CR1: variants seen among roughly 807,000 people sequenced by gnomAD.
The protein encoded by CR1 is complement receptor type 1.
A neutral mutation model predicts 187.3 loss-of-function variants in CR1; 116 were observed. The observed-to-expected ratio is 0.62, with a 90% CI of 0.53 to 0.72. The LOEUF (loss-of-function observed/expected upper bound fraction) is 0.72, where lower values mean the gene tolerates loss of function less well. CR1 is among the 30% of genes least tolerant of loss of function. The probability of loss-of-function intolerance (pLI) is 0.00; values close to 1 mark genes in which losing one functional copy is unlikely to be tolerated. For missense variants in CR1, 1,731 were observed against 2,110.7 expected (o/e 0.82, Z 3.52); for synonymous variants, 576 against 747.1 (o/e 0.77, Z 3.73).
At chr1:207,634,340 C>T (rs2102418918) in intron 46 of CR1, among the ~76,000 whole-genome samples, 1 of 152,232 alleles carries the variant, frequency 6.6e-6, no homozygotes, top group Admixed American at 6.5e-5. Context: ...TCAACTTTCC[C>T]TTTTAAGATT....
At chr1:207,601,227 G>A (rs1661595568) in intron 35 of CR1, among the ~76,000 whole-genome samples, 1 of 151,976 alleles carries the variant, frequency 6.6e-6, no homozygotes, top group Non-Finnish European at 1.5e-5. Context: ...GAATGAGAAA[G>A]AAGACATAAG....
At position 207,609,323 on chromosome 1, in the gene CR1, A is replaced by G. The variant is rs776473566; in HGVS notation, c.5930A>G (p.Asn1977Ser). 3 of 1,613,920 alleles carry G rather than the reference A, an allele frequency of 1.9e-6. No individual in the cohort carries two copies. The highest frequency in any genetic ancestry group is 1.1e-5 in the South Asian group (1 of 91,066). The change falls in exon 37 of 47, where the codon AAT (asparagine) becomes AGT (serine). Residue 1977 changes from asparagine (N) to serine (S), a missense_variant. Transcript: ENST00000367049. Reference sequence around the variant, plus strand: ...TGTGAGCCACCTCCAACCATATCCAATGGAGACTTCTACAGCAACAATAGA... The same window carrying G: ...TGTGAGCCACCTCCAACCATATCCAGTGGAGACTTCTACAGCAACAATAGA... ...ISCEPPPTIS[N>S]GDFYSNNRTS... is the part of the protein sequence containing the mutation.
intron 45 of CR1, among the ~76,000 whole-genome samples, chr1:207,625,007 A>G (rs1304817536): frequency 6.6e-6 from 1 of 152,152 alleles, no homozygotes; most frequent in African/African-American, 2.4e-5. Flanking sequence ...GTCATTCTTC[A>G]TTACTTATGG....
chr1:207,525,390 G>A (rs1192689446), intron 5 of CR1, among the ~76,000 whole-genome samples: 1 of 151,962 alleles, frequency 6.6e-6, no homozygotes, highest in African/African-American at 2.4e-5. Context: ...TGGAGTGATG[G>A]TGAAATGGCC....
At chr1:207,633,427 CA>C (rs1662712348) in intron 46 of CR1, among the ~76,000 whole-genome samples, 1 of 152,146 alleles carries the variant, frequency 6.6e-6, no homozygotes, top group African/African-American at 2.4e-5. Context: ...ATTGATTGCA[CA>C]ATATTGAATC....
At chr1:207,606,841 A>T (rs1020930633) in intron 35 of CR1, among the ~76,000 whole-genome samples, 6 of 152,178 alleles carry the variant, frequency 3.9e-5, no homozygotes, top group African/African-American at 1.4e-4. Context: ...CTGAGCACCC[A>T]AAACTTGAAA....
intron 1 of CR1, among the ~76,000 whole-genome samples, chr1:207,504,555 T>C (rs1463373334): frequency 6.6e-6 from 1 of 152,064 alleles, no homozygotes; most frequent in Non-Finnish European, 1.5e-5. Context: ...ATCTAGAAGA[T>C]TTGAATAAAT....
intron 39 of CR1, 29 bp from the exon 40 acceptor site, chr1:207,614,375 A>G (rs1051832920): frequency 6.4e-7 from 1 of 1,572,926 alleles, no homozygotes; most frequent in African/African-American, 1.4e-5. Flanking sequence ...AATTGCTCAC[A>G]CATTTGCTAC....
rs1393043876 is a variant in CR1, at chr1:207,609,457, G to A, written c.6064G>A (p.Asp2022Asn). The change falls in exon 37 of 47, where the codon GAT (aspartate) becomes AAT (asparagine). Residue 2022 changes from aspartate to asparagine, a missense_variant. Asp to Asn is a conservative substitution (Grantham distance 23). Coordinates refer to ENST00000367049, the MANE Select transcript of CR1 (RefSeq NM_000651.6). ...GERSIYCTSK[D>N]DQVGVWSSPP... The stretch of plus-strand genomic sequence containing the variant: ...ACGGTCAATATATTGCACCAGCAAA[G>A]ATGATCAAGTTGGTGTTTGGAGCAG... 1 of 1,613,944 alleles carries A rather than the reference G, an allele frequency of 6.2e-7. No individual in the cohort carries two copies. Among genetic ancestry groups the A allele is most frequent in the African/African-American group, 1.3e-5 (1 of 74,952 alleles).
chr1:207,504,764 A>AT (rs919886564), intron 1 of CR1, among the ~76,000 whole-genome samples: 1 of 152,154 alleles, frequency 6.6e-6, no homozygotes, highest in African/African-American at 2.4e-5. Flanking sequence ...ATGGATGCTG[A>AT]TTTTTTAAAA....
At chr1:207,631,570 C>T (rs757758344) in intron 46 of CR1, among the ~76,000 whole-genome samples, 14 of 152,186 alleles carry the variant, frequency 9.2e-5, no homozygotes, top group South Asian at 4.1e-4. Context: ...CCATCCTCTT[C>T]CCAGGCCTCT....
chr1:207,496,400 GC>G lies in CR1; in HGVS notation c.121+13del. 1 of 1,602,044 alleles carries G rather than the reference GC, an allele frequency of 6.2e-7. No homozygotes were observed. Among genetic ancestry groups the G allele is most frequent in the Admixed American group, 1.7e-5 (1 of 58,200 alleles). ...GCCGGTGGCCTGGGGTGAGAGGCGG[GC>G]GGGCGTGGGGAGGCGCCCGGGCGGA... On this transcript the variant is annotated intron_variant, in intron 1 of 46. Transcript: ENST00000367049.
intron 46 of CR1, among the ~76,000 whole-genome samples, chr1:207,633,178 A>T (rs951671541): frequency 2.0e-5 from 3 of 152,206 alleles, no homozygotes; most frequent in African/African-American, 7.2e-5. Context: ...ATCAACCAAG[A>T]TGCTCTCCCA....
chr1:207,617,507 A>ATATATATGTGTGTGTGTG (rs1332301171), intron 41 of CR1, among the ~76,000 whole-genome samples: 1 of 47,010 alleles, frequency 2.1e-5, no homozygotes, highest in African/African-American at 6.3e-5. Flanking sequence ...ATATATATAT[A>ATATATATGTGTGTGTGTG]TGTGTGTGTG....
Position 207,584,763 on chromosome 1 carries a change from G to C in CR1, c.5417G>C (p.Arg1806Thr). ...TACACATGTGACCCCCACCCAGACA[G>C]AGGGATGACCTTCAACCTCATTGGG... is the stretch of plus-strand genomic sequence containing the variant. ...ISYTCDPHPD[R>T]GMTFNLIGES... is the part of the protein sequence containing the mutation. Residue 1806 changes from arginine to threonine, a missense_variant, in exon 33 of 47, where the codon AGA (arginine) becomes ACA (threonine). Transcript: ENST00000367049. 6.2e-7 allele frequency: 1 copy of C among 1,613,948 alleles called. No homozygotes were observed. The highest frequency in any genetic ancestry group is 1.1e-5 in the South Asian group (1 of 91,072).
intron 29 of CR1, among the ~76,000 whole-genome samples, chr1:207,578,949 G>A (rs1355902386): frequency 6.6e-6 from 1 of 152,206 alleles, no homozygotes; most frequent in Non-Finnish European, 1.5e-5. Flanking sequence ...GCTCACTGCA[G>A]CCTCAGATTC....
chr1:207,505,755 G>A, intron 1 of CR1, 149 bp from the exon 2 acceptor site: 1 of 804,464 alleles, frequency 1.2e-6, no homozygotes, highest in Non-Finnish European at 1.9e-6. Flanking sequence ...ACAATTGCTT[G>A]AACCCAAGAG....
At chr1:207,615,500 T>C (rs1033157894) in intron 40 of CR1, among the ~76,000 whole-genome samples, 2 of 152,156 alleles carry the variant, frequency 1.3e-5, no homozygotes, top group African/African-American at 4.8e-5. Context: ...TTAAATAAAA[T>C]ATGCCAAAAT....
intron 35 of CR1, among the ~76,000 whole-genome samples, chr1:207,596,703 T>C (rs967935282): frequency 1.3e-5 from 2 of 150,110 alleles, no homozygotes; most frequent in African/African-American, 4.9e-5. Flanking sequence ...GTTTAAGAAC[T>C]AGGGCTTGAT....
Sources: allele counts gnomAD v4.1 joint callset (sites outside exome capture counted in the v4.1 genomes callset), GRCh38; gene constraint gnomAD v4.1.1; transcripts MANE v1.5; gene names NCBI Gene and HGNC (gene_info 2026-07-23, HGNC 2026-07-21).